The following SGCZ variants were observed in gnomAD, a reference collection of about 807,000 sequenced individuals.
SGCZ encodes sarcoglycan zeta.
In SGCZ, 40 loss-of-function variants were observed where a neutral mutation model predicts 41.3. The ratio of observed to expected loss-of-function variants is 0.97; its 90% confidence interval spans 0.75 to 1.26. SGCZ has a LOEUF of 1.26. Among genes scored for constraint, SGCZ ranks in the 50% most tolerant of loss-of-function variants. The probability of loss-of-function intolerance (pLI) is 0.00; values close to 1 mark genes in which losing one functional copy is unlikely to be tolerated. For missense variants in SGCZ, 552 were observed against 369.8 expected, an observed-to-expected ratio of 1.49 and a Z score of -4.04; for synonymous variants, 206 against 137.5, an observed-to-expected ratio of 1.50 and a Z score of -3.49.
chr8:14,263,879 G>C (rs1341762152), intron 3 of SGCZ, among the ~76,000 whole-genome samples: 1 of 152,128 alleles, frequency 6.6e-6, no homozygotes, highest in South Asian at 2.1e-4. Context: ...AAGCGAGAGG[G>C]AAGTAATTGC....
intron 3 of SGCZ, among the ~76,000 whole-genome samples, chr8:14,265,437 A>T (rs916673882): frequency 1.1e-4 from 17 of 152,166 alleles, no homozygotes; most frequent in Non-Finnish European, 1.5e-4. Context: ...CTGGATCTCT[A>T]TGTGTGATGC....
At chr8:14,657,887 A>T (rs139824310) in intron 1 of SGCZ, among the ~76,000 whole-genome samples, 1 of 152,194 alleles carries the variant, frequency 6.6e-6, no homozygotes, top group Admixed American at 6.5e-5. Flanking sequence ...TCTTATCCTA[A>T]TAAGAATCAG....
At chr8:14,823,500 A>C (rs1213140419) in intron 1 of SGCZ, among the ~76,000 whole-genome samples, 3 of 152,196 alleles carry the variant, frequency 2.0e-5, no homozygotes. Context: ...CTAATCGTCA[A>C]GCAACTACAA....
chr8:14,572,770 A>G (rs982323724), intron 1 of SGCZ, among the ~76,000 whole-genome samples: 1 of 143,100 alleles, frequency 7.0e-6, no homozygotes, highest in Non-Finnish European at 1.6e-5. Context: ...CAAAAATGTA[A>G]CATACTCAAC....
At chr8:14,995,375 G>A (rs537794674) in intron 1 of SGCZ, among the ~76,000 whole-genome samples, 3 of 152,204 alleles carry the variant, frequency 2.0e-5, no homozygotes, top group African/African-American at 4.8e-5. Context: ...TCCATTAATG[G>A]TTGGTTAGGT....
At chr8:14,973,930 T>A (rs572761892) in intron 1 of SGCZ, among the ~76,000 whole-genome samples, 110 of 152,310 alleles carry the variant, frequency 7.2e-4, no homozygotes, top group African/African-American at 2.4e-3. Context: ...TAGGCTTTTT[T>A]TAAAGCCTAA....
intron 3 of SGCZ, among the ~76,000 whole-genome samples, chr8:14,271,398 T>C (rs547230449): frequency 1.3e-5 from 2 of 152,322 alleles, no homozygotes; most frequent in Admixed American, 6.5e-5. Context: ...TATATAATAG[T>C]AGAGTTATCT....
At chr8:14,669,389 A>AAGTAAGTAAGTAAGTAAG (rs1563191230) in intron 1 of SGCZ, among the ~76,000 whole-genome samples, 93 of 24,098 alleles carry the variant, frequency 3.9e-3, no homozygotes, top group East Asian at 7.6e-3. Flanking sequence ...AAGTAAGTAA[A>AAGTAAGTAAGTAAGTAAG]TAAATAAATA....
intron 1 of SGCZ, among the ~76,000 whole-genome samples, chr8:14,657,762 T>C (rs1025145737): frequency 6.6e-6 from 1 of 152,180 alleles, no homozygotes; most frequent in Non-Finnish European, 1.5e-5. Context: ...AATGCAAATA[T>C]TCAGACTATA....
intron 1 of SGCZ, among the ~76,000 whole-genome samples, chr8:15,070,994 C>T (rs1805331382): frequency 6.6e-6 from 1 of 152,048 alleles, no homozygotes; most frequent in Non-Finnish European, 1.5e-5. Context: ...TAAGTAGGTG[C>T]TCAATAATGT....
intron 2 of SGCZ, among the ~76,000 whole-genome samples, chr8:14,545,382 T>C (rs1201744969): frequency 3.3e-5 from 5 of 150,522 alleles, no homozygotes; most frequent in Non-Finnish European, 7.4e-5. Context: ...TAAGACAATA[T>C]TTCAATTATA....
chr8:15,172,255 G>A (rs1170001718), intron 1 of SGCZ, among the ~76,000 whole-genome samples: 13 of 132,460 alleles, frequency 9.8e-5, no homozygotes, highest in African/African-American at 3.8e-4. Context: ...TCCGCCTCCC[G>A]GGTTCACGCC....
intron 1 of SGCZ, among the ~76,000 whole-genome samples, chr8:14,990,625 G>A (rs891623629): frequency 2.6e-5 from 4 of 152,102 alleles, no homozygotes; most frequent in Middle Eastern, 3.4e-3. Context: ...GCAGGAAATC[G>A]AGATCATGGC....
At chr8:14,776,207 T>C (rs1800396337) in intron 1 of SGCZ, among the ~76,000 whole-genome samples, 2 of 152,168 alleles carry the variant, frequency 1.3e-5, no homozygotes, top group South Asian at 2.1e-4. Flanking sequence ...TCCACCCAAA[T>C]CTTACTTTGA....
At chr8:15,150,702 T>A (rs1799154894) in intron 1 of SGCZ, among the ~76,000 whole-genome samples, 1 of 152,224 alleles carries the variant, frequency 6.6e-6, no homozygotes, top group Non-Finnish European at 1.5e-5. Flanking sequence ...GAAGCTGACT[T>A]TTTATTTTCC....
chr8:14,785,989 C>A (rs1257374880), intron 1 of SGCZ, among the ~76,000 whole-genome samples: 4 of 137,874 alleles, frequency 2.9e-5, no homozygotes, highest in Middle Eastern at 3.8e-3. Flanking sequence ...TTTGCAGATA[C>A]TATGAAAACG....
intron 1 of SGCZ, among the ~76,000 whole-genome samples, chr8:14,692,642 C>T (rs1228858915): frequency 6.6e-6 from 1 of 152,114 alleles, no homozygotes; most frequent in Non-Finnish European, 1.5e-5. Flanking sequence ...CTATCTAATA[C>T]AGAAAATTTG....
intron 3 of SGCZ, among the ~76,000 whole-genome samples, chr8:14,274,827 T>G (rs972690776): frequency 1.3e-5 from 2 of 151,972 alleles, no homozygotes; most frequent in South Asian, 4.2e-4. Flanking sequence ...ATAATATAGG[T>G]CTCATAATAA....
At chr8:15,048,453 G>A (rs7829147) in intron 1 of SGCZ, among the ~76,000 whole-genome samples, 54,138 of 151,780 alleles carry the variant, frequency 0.36, 9,741 homozygotes, top group East Asian at 0.49. Flanking sequence ...AATTCATTGT[G>A]TACTTCAAAA....
Sources: allele counts gnomAD v4.1 joint callset (sites outside exome capture counted in the v4.1 genomes callset), GRCh38; gene constraint gnomAD v4.1.1; transcripts MANE v1.5; gene names NCBI Gene and HGNC (gene_info 2026-07-23, HGNC 2026-07-21).